Variants in HNRNPM observed in about 807,000 individuals in gnomAD.
HNRNPM encodes the protein heterogeneous nuclear ribonucleoprotein M, also known as CEA receptor.
Under a neutral mutation model 73.1 loss-of-function variants are expected in HNRNPM, and 11 were observed. The observed-to-expected ratio is 0.15, with a 90% CI of 0.09 to 0.25. HNRNPM has a LOEUF of 0.25. HNRNPM is among the 10% of genes least tolerant of loss of function. The pLI, the probability that HNRNPM is intolerant of heterozygous loss-of-function variation, is 1.00. For synonymous variants in HNRNPM, 407 were observed against 355.2 expected, an observed-to-expected ratio of 1.15 and a Z score of -1.64; for missense variants, 789 against 1,067.9, an observed-to-expected ratio of 0.74 and a Z score of 3.64.
Position 8,465,306 on chromosome 19 carries a change from C to G in HNRNPM, c.439-18C>G. 2 of 1,591,134 alleles carry G rather than the reference C, an allele frequency of 1.3e-6. No homozygotes were observed. The highest frequency in any genetic ancestry group is 1.7e-6 in the Non-Finnish European group (2 of 1,168,288). ...GTACTGGGTCAGTTAAACGTAACAC[C>G]TTTTGTGCTTGTTTTAGGATCCTGA... On this transcript the variant is annotated intron_variant, in intron 5 of 15. Transcript: ENST00000325495.
chr19:8,455,140 G>T (rs1285335764), intron 1 of HNRNPM, among the ~76,000 whole-genome samples: 2 of 151,942 alleles, frequency 1.3e-5, no homozygotes, highest in Non-Finnish European at 2.9e-5. Flanking sequence ...ACCTGGCTAA[G>T]TTTTATATAT....
chr19:8,449,993 C>T (rs1167942709), intron 1 of HNRNPM, among the ~76,000 whole-genome samples: 2 of 152,280 alleles, frequency 1.3e-5, no homozygotes, highest in African/African-American at 4.8e-5. Context: ...GTCACAGTGT[C>T]CCTCTGAGCT....
intron 1 of HNRNPM, among the ~76,000 whole-genome samples, chr19:8,453,457 TTAAAA>T (rs1291126227): frequency 6.6e-6 from 1 of 152,194 alleles, no homozygotes; most frequent in African/African-American, 2.4e-5. Flanking sequence ...AAATAACATT[TTAAAA>T]TAGTAGCTTC....
At chr19:8,455,676 G>A in intron 2 of HNRNPM, 102 bp downstream of exon 2, 1 of 836,146 alleles carries the variant, frequency 1.2e-6, no homozygotes, top group East Asian at 2.6e-5. Context: ...GCTCTGGGTA[G>A]AGCATGTTCT....
At chr19:8,488,586 G>C in intron 15 of HNRNPM, 105 bp from the exon 16 acceptor site, 1 of 973,634 alleles carries the variant, frequency 1.0e-6, no homozygotes, top group Non-Finnish European at 1.5e-6. Flanking sequence ...ATTGTATTCT[G>C]AGCCTTTGTG....
Position 8,483,221 on chromosome 19 carries a change from G to A in HNRNPM, c.1174+10G>A, listed in dbSNP as rs565872998. On this transcript the variant is annotated intron_variant, in intron 13 of 15. Transcript: ENST00000325495. ...GCAAAGCAGGGAGGAGGTAGGAACC[G>A]CTTAGTTTGATGTTTTGTTTTTTTA... is the stretch of plus-strand genomic sequence containing the variant. 2.5e-6 allele frequency: 4 copies of A among 1,604,562 alleles called. No individual in the cohort carries two copies. Among genetic ancestry groups the A allele is most frequent in the East Asian group, 2.2e-5 (1 of 44,830 alleles).
At chr19:8,482,884 A>G in intron 12 of HNRNPM, 1 of 372,316 alleles carries the variant, frequency 2.7e-6, no homozygotes, top group Non-Finnish European at 4.8e-6. Context: ...ATGAATGCAT[A>G]TGACTCCTAT....
At chr19:8,477,990 G>A (rs1372548887) in intron 12 of HNRNPM, among the ~76,000 whole-genome samples, 1 of 152,206 alleles carries the variant, frequency 6.6e-6, no homozygotes, top group Non-Finnish European at 1.5e-5. Flanking sequence ...GCGTGGCATG[G>A]TTGTGAAGAG....
At chr19:8,478,909 G>C (rs138387544) in intron 12 of HNRNPM, among the ~76,000 whole-genome samples, 4 of 152,232 alleles carry the variant, frequency 2.6e-5, no homozygotes, top group Non-Finnish European at 5.9e-5. Context: ...TAGCAGGATG[G>C]AGTGAGTTGT....
Position 8,485,937 on chromosome 19 carries a change from T to C in HNRNPM, c.1509T>C (p.Arg503=). 2 of 1,602,644 alleles carry C rather than the reference T, an allele frequency of 1.2e-6. No individual in the cohort carries two copies. The highest frequency in any genetic ancestry group is 1.7e-6 in the Non-Finnish European group (2 of 1,178,726). Residue 503 remains arginine, a synonymous_variant, in exon 14 of 16, where the codon CGT becomes CGC. Transcript: ENST00000325495. ...AGCGCATGGCCGCTCCCATCGACCG[T>C]GTGGGCCAGACCATTGAGCGCATGG... ...GLERMAAPID[R]VGQTIERMGS...
chr19:8,453,892 G>A (rs938046578), intron 1 of HNRNPM, among the ~76,000 whole-genome samples: 20 of 152,258 alleles, frequency 1.3e-4, no homozygotes, highest in Middle Eastern at 3.4e-3. Flanking sequence ...TAACAGTGTG[G>A]TGGCACCTAG....
At chr19:8,481,429 G>A (rs1246260220) in intron 12 of HNRNPM, 2 of 152,582 alleles carry the variant, frequency 1.3e-5, no homozygotes, top group African/African-American at 4.8e-5. Context: ...TGAGGCAGGG[G>A]AGGAGCATGG....
chr19:8,474,036 T>C (rs938438262), intron 11 of HNRNPM, 131 bp from the exon 12 acceptor site: 2 of 718,512 alleles, frequency 2.8e-6, no homozygotes, highest in South Asian at 4.5e-5. Flanking sequence ...TTTTTGTTTT[T>C]CAAAAGCCTT....
intron 6 of HNRNPM, 81 bp downstream of exon 6, chr19:8,465,596 C>T (rs1377775778): frequency 2.1e-6 from 2 of 937,776 alleles, no homozygotes; most frequent in African/African-American, 1.7e-5. Flanking sequence ...AAAAGTAATT[C>T]TCACATTTGA....
intron 3 of HNRNPM, 43 bp from the exon 4 acceptor site, chr19:8,463,453 TC>T: frequency 6.2e-7 from 1 of 1,605,948 alleles, no homozygotes; most frequent in Non-Finnish European, 8.5e-7. Context: ...CTTTTCTTTT[TC>T]CCCTTCCTTG....
intron 1 of HNRNPM, among the ~76,000 whole-genome samples, chr19:8,446,045 T>G (rs984469020): frequency 1.2e-4 from 17 of 147,108 alleles, no homozygotes; most frequent in African/African-American, 4.4e-4. Context: ...TTACAGACAC[T>G]TAAGAGAGAC....
At chr19:8,446,578 T>G (rs1168600285) in intron 1 of HNRNPM, among the ~76,000 whole-genome samples, 1 of 152,138 alleles carries the variant, frequency 6.6e-6, no homozygotes, top group East Asian at 1.9e-4. Flanking sequence ...GCCCGGCTAA[T>G]TTTTTGAAGA....
intron 12 of HNRNPM, among the ~76,000 whole-genome samples, chr19:8,479,042 G>T (rs944898705): frequency 6.7e-6 from 1 of 149,444 alleles, no homozygotes; most frequent in Non-Finnish European, 1.5e-5. Context: ...TTTTGGTTAG[G>T]TGGCAGAGCA....
At chr19:8,481,270 A>G (rs1970897942) in intron 12 of HNRNPM, among the ~76,000 whole-genome samples, 1 of 152,210 alleles carries the variant, frequency 6.6e-6, no homozygotes, top group African/African-American at 2.4e-5. Flanking sequence ...AGGTCTGTGC[A>G]TCCAAGTGGC....
Sources: allele counts gnomAD v4.1 joint callset (sites outside exome capture counted in the v4.1 genomes callset), GRCh38; gene constraint gnomAD v4.1.1; transcripts MANE v1.5; gene names NCBI Gene and HGNC (gene_info 2026-07-23, HGNC 2026-07-21).